Variants in YWHAG observed in about 807,000 individuals in gnomAD.
YWHAG encodes the protein 14-3-3 protein gamma.
A neutral mutation model predicts 23.3 loss-of-function variants in YWHAG; 1 was observed. The observed-to-expected ratio is 0.04, with a 90% CI of 0.02 to 0.20. The LOEUF is 0.20. Ranked by LOEUF, YWHAG falls within the 10% of genes least tolerant of loss-of-function variation. YWHAG has a pLI of 1.00. For synonymous variants in YWHAG, 160 were observed against 144.0 expected (o/e 1.11, Z -0.80); for missense variants, 151 against 338.6 (o/e 0.45, Z 4.35).
In YWHAG at chr7:76,329,232, A is replaced by C. The variant is rs1472852510; in HGVS notation, c.*345T>G. ...AATCCTTACTGGAACCACAGAACTT[A>C]CTGAATGAGGGCCATTCCTCTTTAA... On this transcript the variant is annotated 3_prime_UTR_variant, in exon 2 of 2. Transcript: ENST00000307630. The surrounding 1 kb of genome is among the most constrained non-coding windows in gnomAD (Gnocchi z 6.1). 4.3e-6 allele frequency: 1 copy of C among 234,574 alleles called. No individual in the cohort carries two copies. Among genetic ancestry groups the C allele is most frequent in the Admixed American group, 5.1e-5 (1 of 19,476 alleles). 14.5% of individuals were successfully genotyped at this position (234,574 alleles called of 1,614,324 possible).
chr7:76,332,786 A>C (rs1342018982), intron 1 of YWHAG, among the ~76,000 whole-genome samples: 1 of 149,580 alleles, frequency 6.7e-6, no homozygotes, highest in Non-Finnish European at 1.5e-5. Flanking sequence ...GGCTCACTGC[A>C]ACCTCCCCCC....
At chr7:76,340,208 GC>G (rs1245630547) in intron 1 of YWHAG, among the ~76,000 whole-genome samples, 1 of 152,202 alleles carries the variant, frequency 6.6e-6, no homozygotes, top group East Asian at 1.9e-4. Context: ...GTATGGATCA[GC>G]CCCGTTTCAC....
rs1468096820 is a variant in YWHAG at position 76,358,834 on chromosome 7, G to A, written c.-26C>T. ...CTTCGCGGGGCTGGGTCTGGCCGGA[G>A]AAGGAGGAGGACACTGGGGCGGCCT... is the stretch of plus-strand genomic sequence containing the variant. On this transcript the variant is annotated 5_prime_UTR_variant, in exon 1 of 2. Coordinates refer to ENST00000307630, the MANE Select transcript of YWHAG (RefSeq NM_012479.4). 6.3e-7 allele frequency: 1 copy of A among 1,580,764 alleles called. No individual in the cohort carries two copies. Among genetic ancestry groups the A allele is most frequent in the Non-Finnish European group, 8.6e-7 (1 of 1,164,482 alleles).
At chr7:76,345,222 G>T (rs1476190573) in intron 1 of YWHAG, among the ~76,000 whole-genome samples, 7 of 137,086 alleles carry the variant, frequency 5.1e-5, no homozygotes, top group Non-Finnish European at 9.1e-5. Context: ...GTCTCGCTCT[G>T]TTGCCCAGGC....
At chr7:76,342,296 G>C (rs1803709125) in intron 1 of YWHAG, among the ~76,000 whole-genome samples, 1 of 152,176 alleles carries the variant, frequency 6.6e-6, no homozygotes, top group Admixed American at 6.5e-5. Context: ...GGAGGAAAAA[G>C]TCAAAGAAGA....
At chr7:76,348,865 C>G (rs1038613383) in intron 1 of YWHAG, among the ~76,000 whole-genome samples, 5 of 120,808 alleles carry the variant, frequency 4.1e-5, no homozygotes, top group African/African-American at 1.9e-4. Context: ...AAACCATGAG[C>G]CTTAGACTTT....
chr7:76,330,348 T>C lies in YWHAG; in HGVS notation c.88-115A>G, dbSNP rs78533137. The C allele has an allele frequency of 3.5e-3, 3,973 of 1,144,796 alleles. 160 individuals are homozygous for C. The East Asian group carries it at 0.087, about 25-fold the overall frequency. The allele number at this position is 1,144,796 out of a possible 1,614,324, so 70.9% of individuals were successfully genotyped here. On this transcript the variant is annotated intron_variant, in intron 1 of 1. Transcript: ENST00000307630. ...GAGTAACATGATGAACAGAAGGAAA[T>C]TACTTTGTGTGGGCTGGGGGAAGGG...
intron 1 of YWHAG, among the ~76,000 whole-genome samples, chr7:76,349,444 GACACACAC>G (rs34840797): frequency 4.2e-5 from 6 of 143,132 alleles, no homozygotes; most frequent in Non-Finnish European, 6.1e-5. Flanking sequence ...CACACACACA[GACACACAC>G]ACACACACAC....
chr7:76,331,549 ATTTT>A (rs774893313), intron 1 of YWHAG, among the ~76,000 whole-genome samples: 2 of 140,654 alleles, frequency 1.4e-5, no homozygotes, highest in Non-Finnish European at 3.1e-5. Flanking sequence ...TCTTTTTGCG[ATTTT>A]TTTTTTTTTT....
chr7:76,351,749 T>C (rs1803877422), intron 1 of YWHAG, among the ~76,000 whole-genome samples: 1 of 152,216 alleles, frequency 6.6e-6, no homozygotes, highest in Non-Finnish European at 1.5e-5. Flanking sequence ...CATCTAATTG[T>C]AGAACAAGCT....
chr7:76,338,202 G>T (rs1357666463), intron 1 of YWHAG, among the ~76,000 whole-genome samples: 1 of 152,102 alleles, frequency 6.6e-6, no homozygotes, highest in African/African-American at 2.4e-5. Context: ...TCTTAACATA[G>T]CAAACTGCAT....
At chr7:76,330,941 C>G (rs552585664) in intron 1 of YWHAG, among the ~76,000 whole-genome samples, 2 of 152,276 alleles carry the variant, frequency 1.3e-5, no homozygotes, top group East Asian at 1.9e-4. Context: ...CTCATCACCC[C>G]CAAGGCTAAT....
chr7:76,331,644 G>A (rs974225841), intron 1 of YWHAG, among the ~76,000 whole-genome samples: 11 of 151,780 alleles, frequency 7.2e-5, no homozygotes, highest in African/African-American at 2.7e-4. Context: ...CAAAAGACTG[G>A]ACACCCCTGT....
At chr7:76,357,465 A>G (rs901318048) in intron 1 of YWHAG, among the ~76,000 whole-genome samples, 8 of 152,172 alleles carry the variant, frequency 5.3e-5, no homozygotes, top group African/African-American at 1.9e-4. Context: ...TTAATTTTCT[A>G]CCTTTCATTT....
intron 1 of YWHAG, among the ~76,000 whole-genome samples, chr7:76,350,367 T>C (rs899776481): frequency 1.3e-4 from 20 of 152,192 alleles, no homozygotes; most frequent in Admixed American, 1.2e-3. Flanking sequence ...AGTGAGGACC[T>C]TAAACATTAT....
intron 1 of YWHAG, among the ~76,000 whole-genome samples, chr7:76,351,241 A>C (rs1803868380): frequency 6.6e-6 from 1 of 152,134 alleles, no homozygotes; most frequent in Non-Finnish European, 1.5e-5. Flanking sequence ...AGACTCCCTT[A>C]AATAGGCATG....
intron 1 of YWHAG, among the ~76,000 whole-genome samples, chr7:76,353,201 T>C (rs2115652812): frequency 6.6e-6 from 1 of 152,240 alleles, no homozygotes; most frequent in Non-Finnish European, 1.5e-5. Flanking sequence ...AAATTAAAGC[T>C]TTCTTTTGGG....
At chr7:76,333,120 C>G (rs527368803) in intron 1 of YWHAG, among the ~76,000 whole-genome samples, 2 of 152,184 alleles carry the variant, frequency 1.3e-5, no homozygotes, top group African/African-American at 4.8e-5. Flanking sequence ...AGGCACATGC[C>G]ACCACACCCA....
intron 1 of YWHAG, among the ~76,000 whole-genome samples, chr7:76,338,370 T>C (rs111363602): frequency 2.3e-3 from 345 of 152,112 alleles, no homozygotes; most frequent in African/African-American, 7.9e-3. Flanking sequence ...CAAGCCAAGG[T>C]CTCACAGATG....
Sources: allele counts gnomAD v4.1 joint callset (sites outside exome capture counted in the v4.1 genomes callset), GRCh38; gene constraint gnomAD v4.1.1; non-coding constraint Gnocchi (gnomAD v3.1); transcripts MANE v1.5; gene names NCBI Gene and HGNC (gene_info 2026-07-23, HGNC 2026-07-21).